Variants in FOXP2 observed in about 807,000 individuals in gnomAD.
FOXP2 encodes forkhead box protein P2.
A neutral mutation model predicts 115.8 loss-of-function variants in FOXP2; 12 were observed. That is an observed-to-expected ratio of 0.10 (90% CI 0.07 to 0.17). The LOEUF (loss-of-function observed/expected upper bound fraction) is 0.17, where lower values mean the gene tolerates loss of function less well. FOXP2 is among the 10% of genes least tolerant of loss of function. The pLI, the probability that FOXP2 is intolerant of heterozygous loss-of-function variation, is 1.00. For synonymous variants in FOXP2, 328 were observed against 297.7 expected, an observed-to-expected ratio of 1.10 and a Z score of -1.05; for missense variants, 629 against 843.5, an observed-to-expected ratio of 0.75 and a Z score of 3.15.
At chr7:114,596,319 G>A (rs907561242) in intron 3 of FOXP2, among the ~76,000 whole-genome samples, 1 of 152,022 alleles carries the variant, frequency 6.6e-6, no homozygotes, top group East Asian at 1.9e-4. Flanking sequence ...AGGCATCCCA[G>A]CTTGGAGTAG....
chr7:114,334,931 C>CTATATATATATATA lies in FOXP2; in HGVS notation c.-11+46837_-11+46850dup, dbSNP rs144511332. On this transcript the variant is annotated intron_variant, in intron 2 of 17. Transcript: ENST00000634411. ...ATATATATTTTATATATATAGAAAT[C>CTATATATATATATA]TATATATATATATATATATATATAT... Among the ~76,000 whole-genome samples the CTATATATATATATA allele has an allele frequency of 3.2e-3, 384 of 119,268 alleles. 5 individuals carry two copies. Among genetic ancestry groups the CTATATATATATATA allele is most frequent in the East Asian group, 0.013 (43 of 3,336 alleles). The allele number at this position is 119,268 out of a possible 152,430, so 78.2% of individuals were successfully genotyped here.
intron 2 of FOXP2, among the ~76,000 whole-genome samples, chr7:114,383,087 G>T (rs906249710): frequency 1.3e-5 from 2 of 152,094 alleles, no homozygotes; most frequent in African/African-American, 2.4e-5. Context: ...ACCAGAGATC[G>T]CCAAACTCTT....
chr7:114,101,053 T>C (rs1364235903), intron 1 of FOXP2, among the ~76,000 whole-genome samples: 3 of 152,100 alleles, frequency 2.0e-5, no homozygotes, highest in South Asian at 2.1e-4. Context: ...ACTAATATTA[T>C]AGCAAGCAGC....
At chr7:114,321,269 G>A (rs1289349772) in intron 2 of FOXP2, among the ~76,000 whole-genome samples, 1 of 151,700 alleles carries the variant, frequency 6.6e-6, no homozygotes, top group Non-Finnish European at 1.5e-5. Context: ...TGCTATCTTG[G>A]CTCACTGCAA....
At chr7:114,229,806 A>G (rs950859434) in intron 1 of FOXP2, among the ~76,000 whole-genome samples, 1 of 151,706 alleles carries the variant, frequency 6.6e-6, no homozygotes, top group African/African-American at 2.4e-5. Flanking sequence ...AAAAATCCCA[A>G]ATAATGAACT....
chr7:114,266,918 G>A (rs1176785493), intron 1 of FOXP2, among the ~76,000 whole-genome samples: 1 of 152,130 alleles, frequency 6.6e-6, no homozygotes, highest in Non-Finnish European at 1.5e-5. Context: ...CCCTCGAGGA[G>A]CTTAATGTCT....
intron 3 of FOXP2, among the ~76,000 whole-genome samples, chr7:114,590,483 C>T (rs1307703158): frequency 1.3e-5 from 2 of 152,108 alleles, no homozygotes; most frequent in Admixed American, 1.3e-4. Context: ...CTCTTGTTGC[C>T]TGCAGGCTGC....
At chr7:114,371,237 T>G (rs1207672038) in intron 2 of FOXP2, among the ~76,000 whole-genome samples, 1 of 147,704 alleles carries the variant, frequency 6.8e-6, no homozygotes, top group Non-Finnish European at 1.5e-5. Context: ...CATGCCACCA[T>G]GTCCAGCTAA....
At chr7:114,368,802 G>A (rs1437824893) in intron 2 of FOXP2, among the ~76,000 whole-genome samples, 2 of 152,146 alleles carry the variant, frequency 1.3e-5, no homozygotes, top group Non-Finnish European at 2.9e-5. Context: ...AGACCACTTT[G>A]ACCAACATTT....
chr7:114,532,571 T>G (rs1799191692), intron 2 of FOXP2, among the ~76,000 whole-genome samples: 1 of 151,924 alleles, frequency 6.6e-6, no homozygotes, highest in Non-Finnish European at 1.5e-5. Flanking sequence ...ATTCTACGTT[T>G]CATTTTTCTT....
intron 1 of FOXP2, among the ~76,000 whole-genome samples, chr7:114,189,320 A>G (rs1230752158): frequency 6.6e-6 from 1 of 152,210 alleles, no homozygotes; most frequent in Non-Finnish European, 1.5e-5. Context: ...TGATCCTGTT[A>G]GAGTAAGTCA....
intron 2 of FOXP2, among the ~76,000 whole-genome samples, chr7:114,325,617 G>A (rs577681795): frequency 6.6e-6 from 1 of 151,838 alleles, no homozygotes; most frequent in South Asian, 2.1e-4. Context: ...CATCATTTCA[G>A]AAAGATTTTA....
At chr7:114,674,085 T>C (rs1481672231) in intron 16 of FOXP2, among the ~76,000 whole-genome samples, 1 of 152,232 alleles carries the variant, frequency 6.6e-6, no homozygotes, top group Non-Finnish European at 1.5e-5. Flanking sequence ...TTATAAGCTG[T>C]CATCATTAAG....
At chr7:114,655,989 A>G (rs1806564626) in intron 10 of FOXP2, among the ~76,000 whole-genome samples, 1 of 152,140 alleles carries the variant, frequency 6.6e-6, no homozygotes, top group African/African-American at 2.4e-5. Context: ...TGCTCATCCT[A>G]GCTTTTACAT....
intron 2 of FOXP2, among the ~76,000 whole-genome samples, chr7:114,338,413 ATTAT>A (rs1180803530): frequency 2.0e-5 from 3 of 150,970 alleles, no homozygotes; most frequent in African/African-American, 7.3e-5. Context: ...TTTCAACTAT[ATTAT>A]TTTAGTATTA....
intron 2 of FOXP2, among the ~76,000 whole-genome samples, chr7:114,514,117 A>G (rs1352313386): frequency 6.9e-6 from 1 of 145,252 alleles, no homozygotes; most frequent in African/African-American, 2.6e-5. Context: ...ACACACACAC[A>G]CGCCATAAAT....
chr7:114,681,351 TTA>T (rs959425414), intron 16 of FOXP2, among the ~76,000 whole-genome samples: 1 of 152,168 alleles, frequency 6.6e-6, no homozygotes, highest in African/African-American at 2.4e-5. Flanking sequence ...TCTAACAGGC[TTA>T]TATATATTGC....
At chr7:114,514,515 T>G (rs1268436467) in intron 2 of FOXP2, among the ~76,000 whole-genome samples, 1 of 152,062 alleles carries the variant, frequency 6.6e-6, no homozygotes, top group East Asian at 1.9e-4. Flanking sequence ...ATATTTGTCT[T>G]TCTATTCCTG....
In FOXP2 at chr7:114,689,786, T is replaced by C. The variant is rs1808560548; in HGVS notation, c.2008T>C (p.Ser670Pro). ...PGCSPQPHIH[S>P]IHVKEEPVIA... ...GTGTATCTACATGTTTTTCAGACAT[T>C]CAATCCACGTCAAGGAAGAGCCAGT... Residue 670 changes from serine to proline, a missense_variant, in exon 17 of 17, where the codon TCA (serine) becomes CCA (proline). Ser to Pro is a moderately conservative substitution (Grantham distance 74, BLOSUM62 -1). This residue lies in a region of FOXP2 where 117 missense variants were observed against 112.3 expected (regional missense o/e 1.04). Coordinates refer to ENST00000350908, the MANE Select transcript of FOXP2 (RefSeq NM_014491.4). 4 of 1,613,118 alleles carry C rather than the reference T, an allele frequency of 2.5e-6. No homozygotes were observed. The highest frequency in any genetic ancestry group is 3.4e-6 in the Non-Finnish European group (4 of 1,179,446).
Sources: gnomAD v4.1 joint callset for allele counts (sites outside exome capture counted in the v4.1 genomes callset) on GRCh38, gnomAD v4.1.1 for gene constraint, gnomAD v4.1.1 regional missense constraint, MANE v1.5 for transcripts, NCBI Gene and HGNC (gene_info 2026-07-23, HGNC 2026-07-21) for gene names.